ZBTB46: variants seen among roughly 807,000 people sequenced by gnomAD.
ZBTB46 encodes the protein zinc finger and BTB domain containing 46.
In ZBTB46, 8 loss-of-function variants were observed where a neutral mutation model predicts 44.1. The observed-to-expected ratio is 0.18, with a 90% confidence interval of 0.11 to 0.33. The LOEUF (loss-of-function observed/expected upper bound fraction) is 0.33. Ranked by LOEUF, ZBTB46 falls within the 10% of genes least tolerant of loss-of-function variation. ZBTB46 has a pLI of 1.00. For missense variants in ZBTB46, 651 were observed against 847.7 expected (o/e 0.77, Z 2.88); for synonymous variants, 409 against 382.3 (o/e 1.07, Z -0.81).
chr20:63,815,448 CACAGGTGCAGTGGGT>C (rs1442940728), intron 1 of ZBTB46, among the ~76,000 whole-genome samples: 3 of 118,552 alleles, frequency 2.5e-5, no homozygotes, highest in Non-Finnish European at 5.0e-5. Flanking sequence ...TGCAGGTGAG[CACAGGTGCAGTGGGT>C]ACAGGTGGGC....
intron 1 of ZBTB46, among the ~76,000 whole-genome samples, chr20:63,792,528 T>TTG (rs925517429): frequency 6.6e-6 from 1 of 152,094 alleles, no homozygotes; most frequent in Admixed American, 6.5e-5. Flanking sequence ...CTTCTTTTTT[T>TTG]TTTTTTGAGA....
intron 1 of ZBTB46, among the ~76,000 whole-genome samples, chr20:63,810,389 C>T (rs1211621512): frequency 2.0e-5 from 3 of 152,130 alleles, no homozygotes; most frequent in South Asian, 2.1e-4. Flanking sequence ...CCCAGCTGGT[C>T]GTGTCTGCAC....
intron 1 of ZBTB46, among the ~76,000 whole-genome samples, chr20:63,802,657 C>T (rs2092655548): frequency 6.9e-6 from 1 of 145,602 alleles, no homozygotes; most frequent in African/African-American, 2.6e-5. Context: ...ACAACCGAAC[C>T]TCAGACCCCC....
At chr20:63,826,843 A>G (rs1176567627) in intron 1 of ZBTB46, among the ~76,000 whole-genome samples, 1 of 152,192 alleles carries the variant, frequency 6.6e-6, no homozygotes, top group Non-Finnish European at 1.5e-5. Flanking sequence ...ACTGCTCCTC[A>G]TGCCTACCCC....
intron 1 of ZBTB46, among the ~76,000 whole-genome samples, chr20:63,795,290 C>T (rs976678436): frequency 2.0e-5 from 3 of 152,232 alleles, no homozygotes; most frequent in Middle Eastern, 3.2e-3. Context: ...ACTCACAAGC[C>T]GCGTCACCGT....
intron 3 of ZBTB46, among the ~76,000 whole-genome samples, chr20:63,760,564 C>T (rs2092264337): frequency 1.3e-5 from 2 of 151,688 alleles, no homozygotes; most frequent in South Asian, 4.2e-4. Flanking sequence ...CTCCTGGGTT[C>T]TCCTGCCTCA....
intron 3 of ZBTB46, among the ~76,000 whole-genome samples, chr20:63,773,626 C>G (rs910674121): frequency 1.3e-5 from 2 of 152,068 alleles, no homozygotes; most frequent in South Asian, 4.1e-4. Context: ...GCCTGGGATC[C>G]CCCTCCGACG....
chr20:63,810,107 A>G (rs1212547302), intron 1 of ZBTB46, among the ~76,000 whole-genome samples: 1 of 152,188 alleles, frequency 6.6e-6, no homozygotes, highest in African/African-American at 2.4e-5. Flanking sequence ...AGGCCTACAG[A>G]TGCCTCTGCC....
chr20:63,795,135 C>T (rs1471890830), intron 1 of ZBTB46, among the ~76,000 whole-genome samples: 5 of 152,244 alleles, frequency 3.3e-5, no homozygotes, highest in Non-Finnish European at 1.5e-5. Flanking sequence ...CCAAACACCG[C>T]CTCAGCTTTT....
chr20:63,771,341 T>G, intron 3 of ZBTB46, among the ~76,000 whole-genome samples: 1 of 151,422 alleles, frequency 6.6e-6, no homozygotes. Context: ...CACCCCCACA[T>G]TCAGCAATGG....
rs1346190921 is a variant in ZBTB46 at position 63,745,812 on chromosome 20, T to G, written c.*1118A>C. On this transcript the variant is annotated 3_prime_UTR_variant, in exon 5 of 5. Transcript: ENST00000245663. ...ACAGCACACACCGTGGGACCTTTGC[T>G]TTTCACTCAGGAAAAGAAAGAACAT... 6.6e-6 allele frequency: 1 copy of G among 152,324 alleles called. No individual in the cohort carries two copies. The highest frequency in any genetic ancestry group is 1.5e-5 in the Non-Finnish European group (1 of 68,038). 9.4% of individuals were successfully genotyped at this position (152,324 alleles called of 1,614,324 possible).
rs149420872 is a variant in ZBTB46 at position 63,766,246 on chromosome 20, G to A, written c.1222+9432C>T. Among the ~76,000 whole-genome samples the A allele has an allele frequency of 5.7e-3, 718 of 125,022 alleles. 5 individuals are homozygous for A. The highest frequency in any genetic ancestry group is 0.021 in the African/African-American group (669 of 32,552). 82.0% of individuals were successfully genotyped at this position (125,022 alleles called of 152,430 possible). ...TTTTTTTTTTTTGAGAGGGAGTTTC[G>A]CTCTCGTTGCCCAGGCTGGAGTGCA... On this transcript the variant is annotated intron_variant, in intron 3 of 4. Transcript: ENST00000245663.
At chr20:63,831,508 C>T (rs544463683), upstream of ZBTB46, among the ~76,000 whole-genome samples, 58 of 147,196 alleles carry the variant, frequency 3.9e-4, no homozygotes, top group African/African-American at 1.2e-3. Context: ...CGTTCTCCCC[C>T]CCGCGGGCAG....
chr20:63,815,875 C>G (rs1484776774), intron 1 of ZBTB46, among the ~76,000 whole-genome samples: 1 of 96,766 alleles, frequency 1.0e-5, no homozygotes, highest in African/African-American at 4.9e-5. Context: ...GGCGCAGGTC[C>G]AGTGGGTGCA....
At chr20:63,755,392 C>T (rs964171610) in intron 3 of ZBTB46, among the ~76,000 whole-genome samples, 3 of 152,220 alleles carry the variant, frequency 2.0e-5, no homozygotes, top group East Asian at 3.9e-4. Context: ...CTAGTAGCTC[C>T]AGCTGCCCCT....
intron 3 of ZBTB46, among the ~76,000 whole-genome samples, chr20:63,770,107 T>C (rs989739309): frequency 2.0e-5 from 3 of 152,218 alleles, no homozygotes; most frequent in African/African-American, 7.2e-5. Context: ...AGAGGCCGCG[T>C]CCCACATTTC....
intron 4 of ZBTB46, among the ~76,000 whole-genome samples, chr20:63,748,812 TC>T (rs1314979406): frequency 8.5e-5 from 13 of 152,348 alleles, no homozygotes; most frequent in East Asian, 1.9e-4. Flanking sequence ...GTTTAGCTCT[TC>T]CTTAAACCAT....
In ZBTB46 at chr20:63,812,457, C is replaced by T. The variant is rs914864782; in HGVS notation, c.-34+18640G>A. Among the ~76,000 whole-genome samples the T allele has an allele frequency of 2.6e-5, 4 of 151,714 alleles. 1 individual carries two copies. The highest frequency in any genetic ancestry group is 2.6e-4 in the Admixed American group (4 of 15,222). ...AGGAGTTCGAGACCAGCCTGGCCAA[C>T]ATGGTAAAACCCCGTCTCTACTAAA... is the stretch of plus-strand genomic sequence containing the variant. On this transcript the variant is annotated intron_variant, in intron 1 of 4. Transcript: ENST00000245663.
rs1334227761 is a variant in ZBTB46, at chr20:63,746,711, C to T, written c.*219G>A. 1.5e-6 allele frequency: 1 copy of T among 669,834 alleles called. No individual in the cohort carries two copies. Among genetic ancestry groups the T allele is most frequent in the Non-Finnish European group, 2.3e-6 (1 of 435,822 alleles). 41.5% of individuals were successfully genotyped at this position (669,834 alleles called of 1,614,324 possible). On this transcript the variant is annotated 3_prime_UTR_variant, in exon 5 of 5. Coordinates refer to ENST00000245663, the MANE Select transcript of ZBTB46 (RefSeq NM_001369741.1). ...TTCACTCAAACCCACCCTGTGCCCTCCCCCAACTCACTTCATGTCTGGTCC... is the reference window on the plus strand; with the variant it reads ...TTCACTCAAACCCACCCTGTGCCCTTCCCCAACTCACTTCATGTCTGGTCC...
Sources: gnomAD v4.1 joint callset for allele counts (sites outside exome capture counted in the v4.1 genomes callset) on GRCh38, gnomAD v4.1.1 for gene constraint, MANE v1.5 for transcripts, NCBI Gene and HGNC (gene_info 2026-07-23, HGNC 2026-07-21) for gene names.